Variants in NVL observed in about 807,000 individuals in gnomAD.
NVL encodes nuclear VCP like, also known as nuclear valosin-containing protein-like.
Under a neutral mutation model 110.2 loss-of-function variants are expected in NVL, and 84 were observed. The observed-to-expected ratio is 0.76, with a 90% confidence interval of 0.64 to 0.91. The LOEUF (loss-of-function observed/expected upper bound fraction) is 0.91, where lower values mean the gene tolerates loss of function less well. NVL is among the 40% of genes least tolerant of loss of function. NVL has a pLI of 0.00. For synonymous variants in NVL, 354 were observed against 361.1 expected (o/e 0.98, Z 0.22); for missense variants, 882 against 1,035.9 (o/e 0.85, Z 2.04).
At chr1:224,243,493 G>C (rs1661444690) in intron 19 of NVL, among the ~76,000 whole-genome samples, 1 of 151,888 alleles carries the variant, frequency 6.6e-6, no homozygotes, top group African/African-American at 2.4e-5. Flanking sequence ...TTTGTAAAAA[G>C]TTTGCTCATC....
intron 18 of NVL, among the ~76,000 whole-genome samples, chr1:224,264,870 G>C (rs950939180): frequency 2.6e-5 from 4 of 151,996 alleles, no homozygotes; most frequent in Non-Finnish European, 5.9e-5. Context: ...CCTCAGCCTC[G>C]CAAGTAGCTG....
rs753149054 is a variant in NVL, at chr1:224,290,551, CCAGCA to C, written c.1326-823_1326-819del. ...GCACAGTGGCTCACACCTTGTAATC[CCAGCA>C]CTTTGGGAGGCCGAGGCAGGCAGAT... On this transcript the variant is annotated intron_variant, in intron 12 of 22. Coordinates refer to ENST00000281701, the MANE Select transcript of NVL (RefSeq NM_002533.4). 7.9e-5 allele frequency among the ~76,000 whole-genome samples: 12 copies of C among 152,066 alleles called. No homozygotes were observed. In the South Asian group the frequency reaches 8.3e-4, roughly 11 times the overall value.
chr1:224,319,258 A>C (rs1670410014), intron 2 of NVL, among the ~76,000 whole-genome samples: 1 of 151,912 alleles, frequency 6.6e-6, no homozygotes, highest in Admixed American at 6.6e-5. Context: ...GTCCATATTA[A>C]AATTTCTCAA....
chr1:224,286,228 T>C, intron 14 of NVL, 98 bp from the exon 15 acceptor site: 1 of 933,686 alleles, frequency 1.1e-6, no homozygotes, highest in Non-Finnish European at 1.6e-6. Context: ...TTTTTTTTTT[T>C]TTGAGTCTCC....
At chr1:224,312,031 C>T in intron 4 of NVL, 174 bp from the exon 5 acceptor site, 1 of 569,974 alleles carries the variant, frequency 1.8e-6, no homozygotes, top group East Asian at 3.0e-5. Context: ...ATTACTTAAC[C>T]TCTCTAAGCG....
chr1:224,287,807 C>A lies in NVL; in HGVS notation c.1762G>T (p.Asp588Tyr). 1 of 1,614,122 alleles carries A rather than the reference C, an allele frequency of 6.2e-7. No individual in the cohort carries two copies. Among genetic ancestry groups the A allele is most frequent in the Non-Finnish European group, 8.5e-7 (1 of 1,179,996 alleles). Residue 588 changes from aspartate to tyrosine, a missense_variant, in exon 14 of 23, where the codon GAC (aspartate) becomes TAC (tyrosine). This residue lies in a region of NVL where 416 missense variants were observed against 499.3 expected (regional missense o/e 0.83). Transcript: ENST00000281701. ...VTWADIGALE[D>Y]IREELTMAIL... Reference sequence around the variant, plus strand: ...GCCATGGTGAGCTCCTCTCTAATGTCTTCCAGGGCACCAATATCTGCCCAT... The same window carrying A: ...GCCATGGTGAGCTCCTCTCTAATGTATTCCAGGGCACCAATATCTGCCCAT...
intron 17 of NVL, among the ~76,000 whole-genome samples, chr1:224,271,127 C>T (rs779549385): frequency 3.3e-5 from 5 of 152,098 alleles, no homozygotes; most frequent in African/African-American, 4.8e-5. Context: ...CTGCTGTATC[C>T]AGACTATTAT....
chr1:224,283,085 A>G (rs189707217), intron 15 of NVL, among the ~76,000 whole-genome samples: 15 of 152,304 alleles, frequency 9.8e-5, no homozygotes, highest in Middle Eastern at 3.4e-3. Flanking sequence ...TTCCCCAGAA[A>G]CAATACATAT....
chr1:224,273,165 T>C (rs1571907823), intron 17 of NVL, among the ~76,000 whole-genome samples: 2 of 150,190 alleles, frequency 1.3e-5, no homozygotes, highest in African/African-American at 2.5e-5. Context: ...CTAATCCCAG[T>C]ACTTTGGGAG....
chr1:224,311,736 A>C, intron 5 of NVL, 64 bp downstream of exon 5: 1 of 1,254,488 alleles, frequency 8.0e-7, no homozygotes, highest in Non-Finnish European at 1.2e-6. Flanking sequence ...GAGTTTTTCA[A>C]GGGAGGTACC....
intron 19 of NVL, among the ~76,000 whole-genome samples, chr1:224,239,702 C>A (rs1660943087): frequency 6.6e-6 from 1 of 152,296 alleles, no homozygotes; most frequent in South Asian, 2.1e-4. Context: ...AGCTGGACCT[C>A]CACAAGGTCC....
intron 2 of NVL, among the ~76,000 whole-genome samples, chr1:224,324,344 G>A (rs1168843183): frequency 6.6e-6 from 1 of 152,162 alleles, no homozygotes; most frequent in Non-Finnish European, 1.5e-5. Context: ...TGGTTTCACA[G>A]GTTAATAGAT....
At chr1:224,255,712 T>C (rs1326825628) in intron 18 of NVL, among the ~76,000 whole-genome samples, 1 of 152,206 alleles carries the variant, frequency 6.6e-6, no homozygotes, top group Non-Finnish European at 1.5e-5. Flanking sequence ...ACCTGGCTTA[T>C]TGGCACTTTT....
intron 19 of NVL, among the ~76,000 whole-genome samples, chr1:224,246,092 C>T (rs1409969362): frequency 2.0e-5 from 3 of 151,940 alleles, no homozygotes; most frequent in Non-Finnish European, 4.4e-5. Flanking sequence ...TGCAATAGCA[C>T]GATCTCGGCT....
chr1:224,252,520 G>A (rs1662617450), intron 18 of NVL, among the ~76,000 whole-genome samples: 1 of 152,088 alleles, frequency 6.6e-6, no homozygotes, highest in African/African-American at 2.4e-5. Flanking sequence ...CCTCTACAAA[G>A]AGGTAAATTA....
Position 224,308,703 on chromosome 1 carries a change from A to G in NVL, c.343-440T>C, listed in dbSNP as rs553968855. 6.4e-4 allele frequency among the ~76,000 whole-genome samples: 96 copies of G among 149,810 alleles called. 1 individual carries two copies. Among genetic ancestry groups the G allele is most frequent in the East Asian group, 1.8e-3 (9 of 5,048 alleles). On this transcript the variant is annotated intron_variant, in intron 5 of 22. Coordinates refer to ENST00000281701, the MANE Select transcript of NVL (RefSeq NM_002533.4). Reference sequence around the variant, plus strand: ...GAGACTCCATCTCAAAAAAAAAAAAAAAAAGAAAAGAATATATGGGTGTTC... The same window carrying G: ...GAGACTCCATCTCAAAAAAAAAAAAGAAAAGAAAAGAATATATGGGTGTTC...
chr1:224,264,921 TA>T (rs1190178183), intron 18 of NVL, among the ~76,000 whole-genome samples: 2 of 151,986 alleles, frequency 1.3e-5, no homozygotes, highest in African/African-American at 2.4e-5. Context: ...TAATCTTTTT[TA>T]ATTTTTAGTA....
At chr1:224,269,298 C>G (rs1479237821) in intron 17 of NVL, among the ~76,000 whole-genome samples, 1 of 151,464 alleles carries the variant, frequency 6.6e-6, no homozygotes, top group Non-Finnish European at 1.5e-5. Context: ...ATTGCCCAGG[C>G]TAGTCTCGAA....
intron 9 of NVL, 96 bp downstream of exon 9, chr1:224,303,627 A>C: frequency 7.8e-7 from 1 of 1,280,970 alleles, no homozygotes; most frequent in Non-Finnish European, 1.1e-6. Context: ...CTTCCTGAAG[A>C]ATGCCATGTC....
Sources: gnomAD v4.1 joint callset for allele counts (sites outside exome capture counted in the v4.1 genomes callset) on GRCh38, gnomAD v4.1.1 for gene constraint, gnomAD v4.1.1 regional missense constraint, MANE v1.5 for transcripts, NCBI Gene and HGNC (gene_info 2026-07-23, HGNC 2026-07-21) for gene names.